Variants in ALDH1A1 observed in about 807,000 individuals in gnomAD.
The protein encoded by ALDH1A1 is aldehyde dehydrogenase 1A1.
A neutral mutation model predicts 62.1 loss-of-function variants in ALDH1A1; 19 were observed. The observed-to-expected ratio is 0.31, with a 90% confidence interval of 0.21 to 0.45. The LOEUF is 0.45. ALDH1A1 is among the 20% of genes least tolerant of loss of function. The pLI, the probability that ALDH1A1 is intolerant of heterozygous loss-of-function variation, is 1.00. For missense variants in ALDH1A1, 521 were observed against 607.1 expected (o/e 0.86, Z 1.49); for synonymous variants, 231 against 215.9 (o/e 1.07, Z -0.61).
At chr9:72,919,026 C>T (rs1329481737) in intron 7 of ALDH1A1, among the ~76,000 whole-genome samples, 2 of 152,068 alleles carry the variant, frequency 1.3e-5, no homozygotes, top group Non-Finnish European at 2.9e-5. Flanking sequence ...CTGCAACCTC[C>T]GCCTCCCGGG....
intron 2 of ALDH1A1, among the ~76,000 whole-genome samples, chr9:72,934,346 C>T (rs1315128944): frequency 1.3e-5 from 2 of 152,128 alleles, no homozygotes; most frequent in Admixed American, 1.3e-4. Flanking sequence ...CTCTTCTCTC[C>T]TCAAACTATC....
intron 2 of ALDH1A1, among the ~76,000 whole-genome samples, chr9:72,938,364 G>T (rs935160546): frequency 6.6e-6 from 1 of 152,120 alleles, no homozygotes; most frequent in Non-Finnish European, 1.5e-5. Flanking sequence ...ACACTTACGT[G>T]TTCAGAAAAA....
chr9:72,922,504 A>C (rs1447149369), intron 7 of ALDH1A1, among the ~76,000 whole-genome samples: 1 of 152,130 alleles, frequency 6.6e-6, no homozygotes, highest in Non-Finnish European at 1.5e-5. Context: ...TAGGATCTAG[A>C]CCAGGGTTGT....
intron 6 of ALDH1A1, among the ~76,000 whole-genome samples, 156 bp downstream of exon 6, chr9:72,925,328 C>T (rs1830191059): frequency 6.6e-6 from 1 of 151,032 alleles, no homozygotes; most frequent in Non-Finnish European, 1.5e-5. Flanking sequence ...GGGTGACTGC[C>T]AGAAATTGCA....
intron 12 of ALDH1A1, among the ~76,000 whole-genome samples, chr9:72,903,198 A>C (rs919366416): frequency 2.0e-5 from 3 of 152,102 alleles, no homozygotes; most frequent in African/African-American, 7.2e-5. Context: ...GCTAAGAGCC[A>C]ATCAAGTTTA....
intron 2 of ALDH1A1, among the ~76,000 whole-genome samples, chr9:72,931,585 G>GT (rs1355059570): frequency 6.6e-6 from 1 of 152,122 alleles, no homozygotes; most frequent in Non-Finnish European, 1.5e-5. Context: ...ATCTTCCTTG[G>GT]TCTCTGGTGA....
chr9:72,912,428 G>A (rs145023105), intron 9 of ALDH1A1, among the ~76,000 whole-genome samples: 583 of 152,240 alleles, frequency 3.8e-3, no homozygotes, highest in Non-Finnish European at 7.2e-3. Context: ...ATTCACTCTG[G>A]AAGAAATGCC....
At chr9:72,942,374 G>T (rs1830424729) in intron 1 of ALDH1A1, 2 of 985,110 alleles carry the variant, frequency 2.0e-6, no homozygotes, top group Non-Finnish European at 2.4e-6. Flanking sequence ...CATGCACACT[G>T]TCCCCCAGCC....
At chr9:72,936,385 T>G (rs1488185294) in intron 2 of ALDH1A1, among the ~76,000 whole-genome samples, 1 of 152,188 alleles carries the variant, frequency 6.6e-6, no homozygotes. Flanking sequence ...GCTCCAGAAC[T>G]AAAACATCAA....
chr9:72,945,271 T>G (rs1830462592), intron 1 of ALDH1A1, among the ~76,000 whole-genome samples: 1 of 151,926 alleles, frequency 6.6e-6, no homozygotes, highest in African/African-American at 2.4e-5. Flanking sequence ...TGGGCTAAAG[T>G]GGGGAGCCCC....
At chr9:72,925,402 T>C in intron 6 of ALDH1A1, 82 bp downstream of exon 6, 31 of 1,512,994 alleles carry the variant, frequency 2.0e-5, no homozygotes, top group Non-Finnish European at 2.7e-5. Context: ...TAATGTACTT[T>C]ATAGTAGCAA....
chr9:72,906,815 T>C (rs1451748265), intron 11 of ALDH1A1, among the ~76,000 whole-genome samples: 2 of 152,120 alleles, frequency 1.3e-5, no homozygotes, highest in Non-Finnish European at 2.9e-5. Context: ...TTAAAGGAGA[T>C]TTATGTTTAT....
At chr9:72,938,478 G>A (rs993392906) in intron 2 of ALDH1A1, among the ~76,000 whole-genome samples, 1 of 151,892 alleles carries the variant, frequency 6.6e-6, no homozygotes, top group Non-Finnish European at 1.5e-5. Context: ...ACGGAGTTTC[G>A]CTCTTGTCAC....
chr9:72,943,575 G>A (rs1830441424), intron 1 of ALDH1A1, among the ~76,000 whole-genome samples: 1 of 152,130 alleles, frequency 6.6e-6, no homozygotes, highest in African/African-American at 2.4e-5. Context: ...GCACTGTTCT[G>A]CATTATTCAG....
chr9:72,901,391 G>T, intron 12 of ALDH1A1, 111 bp from the exon 13 acceptor site: 2 of 687,090 alleles, frequency 2.9e-6, no homozygotes, highest in Non-Finnish European at 2.4e-6. Context: ...AGGGACAATA[G>T]AAAATATTTC....
At chr9:72,947,109 G>A (rs763039090) in intron 1 of ALDH1A1, among the ~76,000 whole-genome samples, 1 of 151,936 alleles carries the variant, frequency 6.6e-6, no homozygotes, top group Admixed American at 6.6e-5. Context: ...TTACAGTCAG[G>A]CAGGTGCCAG....
At chr9:72,930,822 C>G in intron 3 of ALDH1A1, 57 bp downstream of exon 3, 1 of 1,604,958 alleles carries the variant, frequency 6.2e-7, no homozygotes, top group South Asian at 1.1e-5. Context: ...CTTGCCATTT[C>G]AAACGCTGAA....
In ALDH1A1 at chr9:72,949,650, TGTGTGTGTGTGTGC is replaced by T. The variant is rs1304404280; in HGVS notation, c.66+3271_66+3284del. On this transcript the variant is annotated intron_variant, in intron 1 of 12. Transcript: ENST00000297785. Reference sequence around the variant, plus strand: ...AAATTTTACCTATAATTATTTATTGTGTGTGTGTGTGTGCGTGTGTGTGTGTGTGTGTGTATGTA... The same window carrying T: ...AAATTTTACCTATAATTATTTATTGTGTGTGTGTGTGTGTGTGTGTATGTA... 2.6e-4 allele frequency among the ~76,000 whole-genome samples: 3 copies of T among 11,712 alleles called. No homozygotes were observed. In the East Asian group the frequency reaches 0.01, roughly 41 times the overall value. 7.7% of individuals were successfully genotyped at this position (11,712 alleles called of 152,430 possible).
chr9:72,902,549 C>T (rs1404106581), intron 12 of ALDH1A1, among the ~76,000 whole-genome samples: 1 of 151,922 alleles, frequency 6.6e-6, no homozygotes, highest in African/African-American at 2.4e-5. Flanking sequence ...TGTCTGAAAC[C>T]CATTAAAAGA....
Sources: gnomAD v4.1 joint callset for allele counts (sites outside exome capture counted in the v4.1 genomes callset) on GRCh38, gnomAD v4.1.1 for gene constraint, MANE v1.5 for transcripts, NCBI Gene and HGNC (gene_info 2026-07-23, HGNC 2026-07-21) for gene names.